The following TEX9 variants were observed in gnomAD, a reference collection of about 807,000 sequenced individuals.
The protein encoded by TEX9 is testis-expressed protein 9.
A neutral mutation model predicts 59.6 loss-of-function variants in TEX9; 74 were observed. That is an observed-to-expected ratio of 1.24 (90% confidence interval 1.03 to 1.51). The LOEUF is 1.51. Among genes scored for constraint, TEX9 ranks in the 40% most tolerant of loss-of-function variants. The pLI is 0.00. For missense variants in TEX9, 522 were observed against 447.8 expected (o/e 1.17, Z -1.49); for synonymous variants, 186 against 152.2 (o/e 1.22, Z -1.64).
At chr15:56,292,154 A>G (rs777579507) in intron 1 of TEX9, among the ~76,000 whole-genome samples, 10 of 152,260 alleles carry the variant, frequency 6.6e-5, no homozygotes, top group African/African-American at 1.2e-4. Context: ...GGGCAGAAAT[A>G]GTAGTATCCT....
chr15:56,455,960 G>T, the TEX9 span, among the ~76,000 whole-genome samples: 5 of 152,082 alleles, frequency 3.3e-5, no homozygotes, highest in Admixed American at 1.3e-4. Context: ...AAAACAATGG[G>T]GGGGAAGATA....
chr15:56,421,305 T>A (rs1413048898), intron 10 of TEX9, among the ~76,000 whole-genome samples: 4 of 151,872 alleles, frequency 2.6e-5, no homozygotes, highest in African/African-American at 9.7e-5. Flanking sequence ...TTATTTATAT[T>A]TATTTTTGTT....
At chr15:56,327,159 A>C (rs1190202408) in intron 1 of TEX9, among the ~76,000 whole-genome samples, 3 of 152,176 alleles carry the variant, frequency 2.0e-5, no homozygotes, top group Non-Finnish European at 4.4e-5. Flanking sequence ...TATAACATTA[A>C]TTTGTAGTTG....
At chr15:56,365,422 C>T (rs1179707204), upstream of TEX9, 4 of 1,605,108 alleles carry the variant, frequency 2.5e-6, no homozygotes, top group African/African-American at 2.7e-5. Context: ...TGCGTCGTTG[C>T]CTCGGTAACC....
intron 1 of TEX9, among the ~76,000 whole-genome samples, chr15:56,298,068 C>T (rs1273658882): frequency 1.3e-5 from 2 of 152,196 alleles, no homozygotes; most frequent in Non-Finnish European, 2.9e-5. Context: ...TTTAATACCC[C>T]ACCAAGTTGC....
chr15:56,458,652 C>G, the TEX9 span, among the ~76,000 whole-genome samples: 1 of 152,152 alleles, frequency 6.6e-6, no homozygotes. Flanking sequence ...TACATTTTTA[C>G]TGTTTCCATA....
intron 1 of TEX9, among the ~76,000 whole-genome samples, chr15:56,315,755 T>G (rs1376240240): frequency 2.0e-5 from 3 of 147,246 alleles, no homozygotes; most frequent in African/African-American, 7.4e-5. Context: ...TTTTCCAACT[T>G]GGTTCCATTC....
chr15:56,343,591 TAAGAGGATATTATCAAC>T (rs1173003873), intron 1 of TEX9, among the ~76,000 whole-genome samples: 1 of 152,042 alleles, frequency 6.6e-6, no homozygotes, highest in Non-Finnish European at 1.5e-5. Context: ...AGAAGTATAG[TAAGAGGATATTATCAAC>T]AACTTCATAC....
intron 1 of TEX9, among the ~76,000 whole-genome samples, chr15:56,273,192 A>G (rs2141410227): frequency 6.6e-6 from 1 of 152,102 alleles, no homozygotes; most frequent in South Asian, 2.1e-4. Flanking sequence ...TGACCTTGTG[A>G]TCTGCCTGCC....
At chr15:56,327,317 G>T (rs997152928) in intron 1 of TEX9, among the ~76,000 whole-genome samples, 1 of 152,102 alleles carries the variant, frequency 6.6e-6, no homozygotes, top group Non-Finnish European at 1.5e-5. Flanking sequence ...ATGAAAAAAT[G>T]CTTTATTTCA....
chr15:56,345,820 C>T (rs192913297), intron 1 of TEX9, among the ~76,000 whole-genome samples: 5 of 152,270 alleles, frequency 3.3e-5, no homozygotes, highest in East Asian at 1.9e-4. Context: ...GGGCAAGGAA[C>T]AACTTGGAGT....
intron 9 of TEX9, chr15:56,397,764 A>G (rs939882944): frequency 2.6e-5 from 4 of 152,184 alleles, no homozygotes; most frequent in Admixed American, 2.6e-4. Context: ...TGTTCTCATG[A>G]GAGTGAATAA....
chr15:56,254,693 C>G (rs1423542820), intron 1 of TEX9, among the ~76,000 whole-genome samples: 1 of 151,352 alleles, frequency 6.6e-6, no homozygotes, highest in Non-Finnish European at 1.5e-5. Context: ...AAAATAATAC[C>G]TAACGAAAGA....
intron 1 of TEX9, among the ~76,000 whole-genome samples, chr15:56,305,452 A>T (rs548693290): frequency 2.6e-5 from 4 of 152,142 alleles, no homozygotes; most frequent in Non-Finnish European, 4.4e-5. Context: ...CAGAACAGAG[A>T]ACCCAGAAAT....
chr15:56,398,503 G>A (rs1366583992), intron 9 of TEX9, among the ~76,000 whole-genome samples: 6 of 152,088 alleles, frequency 3.9e-5, no homozygotes, highest in African/African-American at 9.7e-5. Flanking sequence ...ACCATTTACC[G>A]TTATGCACCC....
chr15:56,363,423 C>T (rs2046828230), upstream of TEX9, among the ~76,000 whole-genome samples: 1 of 152,116 alleles, frequency 6.6e-6, no homozygotes, highest in Non-Finnish European at 1.5e-5. Flanking sequence ...CCCGCCTCAG[C>T]ATCCCAAAGT....
chr15:56,361,754 A>G (rs1450571043), upstream of TEX9, among the ~76,000 whole-genome samples: 1 of 146,876 alleles, frequency 6.8e-6, no homozygotes, highest in Non-Finnish European at 1.5e-5. Context: ...ATGCAAAAGC[A>G]GAAACACACA....
chr15:56,364,175 T>C, upstream of TEX9, among the ~76,000 whole-genome samples: 1 of 151,986 alleles, frequency 6.6e-6, no homozygotes, highest in East Asian at 1.9e-4. Context: ...TTTCTTGAGA[T>C]GGAATTTCGC....
intron 9 of TEX9, among the ~76,000 whole-genome samples, chr15:56,405,371 T>C (rs543226271): frequency 3.3e-5 from 5 of 151,110 alleles, no homozygotes; most frequent in African/African-American, 9.8e-5. Flanking sequence ...CAAGGTTATA[T>C]ATAGGTAGTG....
Sources: allele counts gnomAD v4.1 joint callset (sites outside exome capture counted in the v4.1 genomes callset), GRCh38; gene constraint gnomAD v4.1.1; transcripts MANE v1.5; gene names NCBI Gene and HGNC (gene_info 2026-07-23, HGNC 2026-07-21).